The following ABCC8 variants were observed in gnomAD, a reference collection of about 807,000 sequenced individuals.
The protein encoded by ABCC8 is ATP binding cassette subfamily C member 8.
A neutral mutation model predicts 188.0 loss-of-function variants in ABCC8; 137 were observed. The ratio of observed to expected loss-of-function variants is 0.73; its 90% CI spans 0.63 to 0.84. ABCC8 has a LOEUF of 0.84. Ranked by LOEUF, ABCC8 falls within the 40% of genes least tolerant of loss-of-function variation. The pLI is 0.00. For missense variants in ABCC8, 1,750 were observed against 2,072.7 expected (o/e 0.84, Z 3.02); for synonymous variants, 797 against 846.5 (o/e 0.94, Z 1.01).
intron 28 of ABCC8, 147 bp from the exon 29 acceptor site, chr11:17,402,900 C>CTGAGGCCTAGAGAGGT: frequency 2.2e-6 from 2 of 916,512 alleles, no homozygotes; most frequent in Non-Finnish European, 1.7e-6. Flanking sequence ...AGGGGGAAGA[C>CTGAGGCCTAGAGAGGT]AATGCCACCA....
chr11:17,423,105 T>G (rs1974501), intron 16 of ABCC8, among the ~76,000 whole-genome samples: 87,269 of 151,488 alleles, frequency 0.58, 25,534 homozygotes, highest in Admixed American at 0.65. Context: ...ATGCCTGTAA[T>G]CCCAGCACTT....
chr11:17,457,949 T>C (rs1279094740), intron 6 of ABCC8, among the ~76,000 whole-genome samples: 1 of 152,170 alleles, frequency 6.6e-6, no homozygotes, highest in Non-Finnish European at 1.5e-5. Context: ...AGCTTCCTTC[T>C]TTGTCATTCA....
chr11:17,402,535 A>G, intron 29 of ABCC8, 126 bp downstream of exon 29: 1 of 1,573,972 alleles, frequency 6.4e-7, no homozygotes, highest in South Asian at 1.2e-5. Context: ...TTGGGACCTG[A>G]GGCAGCTTGA....
intron 22 of ABCC8, among the ~76,000 whole-genome samples, chr11:17,409,119 A>ATTT (rs34715760): frequency 7.8e-5 from 11 of 141,360 alleles, no homozygotes; most frequent in African/African-American, 2.4e-4. Context: ...TACCTGGCTA[A>ATTT]TTTTTTTTTT....
intron 10 of ABCC8, among the ~76,000 whole-genome samples, chr11:17,437,315 A>G (rs1304366742): frequency 6.6e-6 from 1 of 152,176 alleles, no homozygotes; most frequent in East Asian, 1.9e-4. Flanking sequence ...GCTTTGCCCA[A>G]GGAATGTTTT....
intron 6 of ABCC8, among the ~76,000 whole-genome samples, chr11:17,459,954 A>G (rs1160037264): frequency 2.6e-5 from 4 of 152,224 alleles, no homozygotes; most frequent in Non-Finnish European, 5.9e-5. Flanking sequence ...AAAGTCCAAC[A>G]TATTAATAAA....
chr11:17,470,363 C>A, intron 2 of ABCC8, 141 bp from the exon 3 acceptor site: 2 of 1,446,326 alleles, frequency 1.4e-6, no homozygotes, highest in Admixed American at 3.9e-5. Context: ...AGTTAATGGG[C>A]GTATTTGGGG....
intron 36 of ABCC8, 45 bp downstream of exon 36, chr11:17,395,127 C>T: frequency 1.3e-6 from 2 of 1,551,808 alleles, no homozygotes; most frequent in Non-Finnish European, 1.7e-6. Flanking sequence ...CTTACAGGGT[C>T]CTTGAGTGCC....
chr11:17,434,094 T>C (rs1342446790), intron 10 of ABCC8, among the ~76,000 whole-genome samples: 2 of 152,054 alleles, frequency 1.3e-5, no homozygotes, highest in African/African-American at 4.8e-5. Context: ...ACTACATAGT[T>C]CTAAATGTGA....
Position 17,412,769 on chromosome 11 carries a change from C to T in ABCC8, c.2476-23G>A, listed in dbSNP as rs1455417146. ...GCCCTGTCACCAAAGAGGAGGAACACATCATGCCCTCAGCCATTCAGGAGA... is the reference window on the plus strand; with the variant it reads ...GCCCTGTCACCAAAGAGGAGGAACATATCATGCCCTCAGCCATTCAGGAGA... On this transcript the variant is annotated intron_variant, in intron 20 of 38. Transcript: ENST00000389817. 3.1e-6 allele frequency: 5 copies of T among 1,598,008 alleles called. No individual in the cohort carries two copies. In the African/African-American group the frequency reaches 6.7e-5, roughly 21 times the overall value.
intron 4 of ABCC8, 26 bp downstream of exon 4, chr11:17,463,412 C>T (rs758956444): frequency 6.3e-7 from 1 of 1,578,906 alleles, no homozygotes; most frequent in Non-Finnish European, 8.6e-7. Flanking sequence ...CTTCCCACCC[C>T]ACCCTGGCCC....
chr11:17,469,971 G>A (rs926571774), intron 3 of ABCC8, 130 bp downstream of exon 3: 24 of 1,184,118 alleles, frequency 2.0e-5, no homozygotes, highest in Non-Finnish European at 2.6e-5. Flanking sequence ...CATGAAGGCA[G>A]GGATTTTTTT....
rs59138800 is a variant in ABCC8 at position 17,443,640 on chromosome 11, C to T, written c.1333-328G>A. Among the ~76,000 whole-genome samples the T allele has an allele frequency of 0.047, 7,096 of 152,226 alleles. 557 individuals carry two copies. The highest frequency in any genetic ancestry group is 0.16 in the African/African-American group (6,643 of 41,506). On this transcript the variant is annotated intron_variant, in intron 8 of 38. Coordinates refer to ENST00000389817, the MANE Select transcript of ABCC8 (RefSeq NM_000352.6). The stretch of plus-strand genomic sequence containing the variant: ...AGATGAGATTGCACAATGTTTGTGA[C>T]AGCACCTTTTGTTCTATTTGCTGGC...
intron 21 of ABCC8, 121 bp downstream of exon 21, chr11:17,412,545 G>A: frequency 2.2e-6 from 3 of 1,359,188 alleles, no homozygotes; most frequent in Non-Finnish European, 3.1e-6. Flanking sequence ...TCTCTGGCAG[G>A]AGGGATTTAC....
At chr11:17,468,545 A>T (rs1848295531) in intron 3 of ABCC8, among the ~76,000 whole-genome samples, 1 of 152,162 alleles carries the variant, frequency 6.6e-6, no homozygotes, top group African/African-American at 2.4e-5. Flanking sequence ...GTGCCCCTTG[A>T]CGAGCTAGAC....
chr11:17,472,774 A>T (rs1235721656), intron 2 of ABCC8, among the ~76,000 whole-genome samples: 1 of 152,290 alleles, frequency 6.6e-6, no homozygotes, highest in East Asian at 1.9e-4. Flanking sequence ...GGACCGATTC[A>T]TTCCAGTTTC....
intron 6 of ABCC8, among the ~76,000 whole-genome samples, chr11:17,455,727 C>T (rs564212235): frequency 1.5e-3 from 221 of 151,960 alleles, no homozygotes; most frequent in Non-Finnish European, 2.6e-3. Flanking sequence ...CACCTGAGGT[C>T]GGGAGTTTGA....
Position 17,428,614 on chromosome 11 carries a change from G to A in ABCC8, c.1874C>T (p.Ala625Val), listed in dbSNP as rs148709148. ...SSAEIREEQCAPHEPTPQGPA... is the reference protein window; with the variant it reads ...SSAEIREEQCVPHEPTPQGPA... ...GCCCTGAGGTGTGGGCTCATGGGGG[G>A]CACACTGCTCCTCACGGATCTCTGC... The change falls in exon 13 of 39, where the codon GCC becomes GTC. Residue 625 changes from alanine (A) to valine (V), a missense_variant. Coordinates refer to ENST00000389817, the MANE Select transcript of ABCC8 (RefSeq NM_000352.6). The A allele has an allele frequency of 1.5e-4, 242 of 1,614,010 alleles. 1 individual carries two copies. The African/African-American group carries it at 2.9e-3, about 19-fold the overall frequency.
intron 12 of ABCC8, chr11:17,430,397 G>A (rs1955790252): frequency 8.9e-6 from 3 of 336,270 alleles, no homozygotes; most frequent in Non-Finnish European, 1.2e-5. Flanking sequence ...GGGGATACTT[G>A]GCCTGGGAAA....
Sources: gnomAD v4.1 joint callset for allele counts (sites outside exome capture counted in the v4.1 genomes callset) on GRCh38, gnomAD v4.1.1 for gene constraint, MANE v1.5 for transcripts, NCBI Gene and HGNC (gene_info 2026-07-23, HGNC 2026-07-21) for gene names.